Variants in KCNIP4 observed in about 807,000 individuals in gnomAD.
KCNIP4 encodes the protein Kv channel-interacting protein 4.
In KCNIP4, 12 loss-of-function variants were observed where a neutral mutation model predicts 34.0. The ratio of observed to expected loss-of-function variants is 0.35; its 90% CI spans 0.23 to 0.57. The LOEUF (loss-of-function observed/expected upper bound fraction) is 0.57. Ranked by LOEUF, KCNIP4 falls within the 20% of genes least tolerant of loss-of-function variation. KCNIP4 has a pLI of 0.83. For missense variants in KCNIP4, 238 were observed against 311.7 expected, an observed-to-expected ratio of 0.76 and a Z score of 1.78; for synonymous variants, 124 against 102.2, an observed-to-expected ratio of 1.21 and a Z score of -1.29.
chr4:20,790,718 G>C (rs1232336370), intron 3 of KCNIP4, among the ~76,000 whole-genome samples: 1 of 152,080 alleles, frequency 6.6e-6, no homozygotes, highest in Non-Finnish European at 1.5e-5. Context: ...TTCAAAAGAA[G>C]TTGACAAAGC....
intron 1 of KCNIP4, among the ~76,000 whole-genome samples, chr4:21,291,810 C>T (rs556068292): frequency 2.4e-4 from 34 of 143,518 alleles, no homozygotes; most frequent in East Asian, 1.0e-3. Context: ...GTCAAGATCG[C>T]GCCGCTGCAC....
intron 1 of KCNIP4, among the ~76,000 whole-genome samples, chr4:21,378,962 T>G (rs1183822085): frequency 6.6e-6 from 1 of 152,274 alleles, no homozygotes; most frequent in African/African-American, 2.4e-5. Flanking sequence ...CTTCCTATTC[T>G]GTCCAACAGG....
intron 1 of KCNIP4, among the ~76,000 whole-genome samples, chr4:21,137,361 C>T (rs542525731): frequency 2.4e-4 from 36 of 152,262 alleles, no homozygotes; most frequent in Middle Eastern, 3.4e-3. Flanking sequence ...ATGGTTTCCT[C>T]GATGCTCAAG....
At chr4:20,734,810 T>C (rs563649940) in intron 5 of KCNIP4, 75 bp from the exon 6 acceptor site, 4 of 792,974 alleles carry the variant, frequency 5.0e-6, no homozygotes, top group African/African-American at 3.6e-5. Context: ...ATGATGTAAG[T>C]AAGGGCTACA....
At chr4:21,219,891 C>T (rs1345881092) in intron 1 of KCNIP4, among the ~76,000 whole-genome samples, 1 of 151,970 alleles carries the variant, frequency 6.6e-6, no homozygotes, top group Non-Finnish European at 1.5e-5. Flanking sequence ...ATATTAAAAA[C>T]TTACTGAGTT....
intron 3 of KCNIP4, among the ~76,000 whole-genome samples, chr4:20,802,601 C>A (rs1232697407): frequency 2.6e-5 from 4 of 151,966 alleles, no homozygotes; most frequent in African/African-American, 9.7e-5. Context: ...ATATTTTAGG[C>A]CACAAAACAA....
At chr4:21,634,065 G>A (rs1296475047) in intron 1 of KCNIP4, among the ~76,000 whole-genome samples, 1 of 151,742 alleles carries the variant, frequency 6.6e-6, no homozygotes, top group Non-Finnish European at 1.5e-5. Context: ...TACAAAAATA[G>A]ATTCATTTCT....
chr4:21,710,803 A>G (rs1244989990), intron 1 of KCNIP4, among the ~76,000 whole-genome samples: 1 of 152,200 alleles, frequency 6.6e-6, no homozygotes, highest in Non-Finnish European at 1.5e-5. Flanking sequence ...AAATCTAGAG[A>G]TAGAATTCTA....
intron 1 of KCNIP4, among the ~76,000 whole-genome samples, chr4:21,415,839 A>G (rs748218724): frequency 3.3e-5 from 5 of 152,208 alleles, no homozygotes; most frequent in African/African-American, 4.8e-5. Flanking sequence ...GGTGTGGGAG[A>G]GGAAAAACCA....
intron 1 of KCNIP4, among the ~76,000 whole-genome samples, chr4:21,694,949 T>C (rs1454883360): frequency 8.4e-6 from 1 of 119,622 alleles, no homozygotes. Context: ...AATAAATAAA[T>C]AAAGGGCTTT....
chr4:21,113,809 G>C (rs139336701), intron 1 of KCNIP4, among the ~76,000 whole-genome samples: 1 of 152,100 alleles, frequency 6.6e-6, no homozygotes, highest in Admixed American at 6.5e-5. Context: ...AACACAAGGC[G>C]TTTCTTGCTA....
chr4:21,144,033 T>G (rs1752174104), intron 1 of KCNIP4, among the ~76,000 whole-genome samples: 1 of 152,214 alleles, frequency 6.6e-6, no homozygotes, highest in African/African-American at 2.4e-5. Context: ...GTGAAGTCTC[T>G]GTGCCTTTAA....
intron 1 of KCNIP4, among the ~76,000 whole-genome samples, chr4:21,351,080 G>A (rs1243484774): frequency 1.3e-5 from 2 of 152,092 alleles, no homozygotes; most frequent in Admixed American, 1.3e-4. Context: ...GAGTCAGACA[G>A]GATATTAATG....
intron 1 of KCNIP4, among the ~76,000 whole-genome samples, chr4:21,815,225 C>T (rs971307749): frequency 2.6e-5 from 4 of 152,098 alleles, no homozygotes; most frequent in Admixed American, 2.6e-4. Flanking sequence ...TCTGTATGTA[C>T]CCCAACCTCA....
chr4:21,501,841 A>G (rs1733380585), intron 1 of KCNIP4, among the ~76,000 whole-genome samples: 1 of 151,892 alleles, frequency 6.6e-6, no homozygotes, highest in South Asian at 2.1e-4. Context: ...CTCCTTTTTT[A>G]TATATCTGGT....
intron 1 of KCNIP4, among the ~76,000 whole-genome samples, chr4:20,898,504 A>G (rs1355998950): frequency 6.6e-6 from 1 of 152,192 alleles, no homozygotes; most frequent in East Asian, 1.9e-4. Context: ...CATGTATATC[A>G]GGACATTTGG....
intron 1 of KCNIP4, among the ~76,000 whole-genome samples, chr4:21,086,509 A>G (rs548125110): frequency 1.1e-4 from 17 of 152,290 alleles, no homozygotes; most frequent in African/African-American, 1.7e-4. Flanking sequence ...TATGATACAT[A>G]ATCACCACTC....
chr4:21,166,889 A>G (rs1191282889), intron 1 of KCNIP4, among the ~76,000 whole-genome samples: 1 of 139,250 alleles, frequency 7.2e-6, no homozygotes, highest in African/African-American at 2.7e-5. Context: ...CAGTGAGCTG[A>G]GATCACGCCA....
At chr4:21,903,827 C>T (rs1727842464) in intron 1 of KCNIP4, among the ~76,000 whole-genome samples, 1 of 152,046 alleles carries the variant, frequency 6.6e-6, no homozygotes, top group Non-Finnish European at 1.5e-5. Flanking sequence ...TGTGTACACC[C>T]CAATAGTTTT....
Sources: gnomAD v4.1 joint callset for allele counts (sites outside exome capture counted in the v4.1 genomes callset) on GRCh38, gnomAD v4.1.1 for gene constraint, MANE v1.5 for transcripts, NCBI Gene and HGNC (gene_info 2026-07-23, HGNC 2026-07-21) for gene names.